The following CRTC1 variants were observed in gnomAD, a reference collection of about 807,000 sequenced individuals.
CRTC1 encodes CREB regulated transcription coactivator 1.
Under a neutral mutation model 66.1 loss-of-function variants are expected in CRTC1, and 18 were observed. The ratio of observed to expected loss-of-function variants is 0.27; its 90% CI spans 0.19 to 0.40. The LOEUF (loss-of-function observed/expected upper bound fraction) is 0.40, where lower values mean the gene tolerates loss of function less well. Ranked by LOEUF, CRTC1 falls within the 10% of genes least tolerant of loss-of-function variation. The pLI is 1.00. For synonymous variants in CRTC1, 416 were observed against 398.8 expected, an observed-to-expected ratio of 1.04 and a Z score of -0.51; for missense variants, 669 against 887.9, an observed-to-expected ratio of 0.75 and a Z score of 3.13.
intron 6 of CRTC1, among the ~76,000 whole-genome samples, chr19:18,753,891 G>A (rs563561561): frequency 3.9e-5 from 6 of 152,182 alleles, no homozygotes; most frequent in Non-Finnish European, 7.3e-5. Context: ...CCAGAGGTCA[G>A]GAGTTCAAGA....
intron 6 of CRTC1, among the ~76,000 whole-genome samples, chr19:18,754,926 A>ATTTCT (rs1375625283): frequency 1.1e-4 from 16 of 151,702 alleles, no homozygotes; most frequent in Admixed American, 1.1e-3. Context: ...CCATCTGTGT[A>ATTTCT]TTTCTTTTTC....
At chr19:18,761,138 C>G (rs1361198889) in intron 8 of CRTC1, among the ~76,000 whole-genome samples, 2 of 152,230 alleles carry the variant, frequency 1.3e-5, no homozygotes, top group African/African-American at 4.8e-5. Flanking sequence ...CTCCCTCCCT[C>G]CCCTGCCCTG....
chr19:18,780,486 G>A lies in CRTC1; in HGVS notation c.*3104G>A. On this transcript the variant is annotated 3_prime_UTR_variant, in exon 14 of 14. Transcript: ENST00000321949. ...TGTGGGTTTTCGGCTCTGGGGAGGA[G>A]AGTGTTGGCATCAGTGTGTTTGGCC... is the stretch of plus-strand genomic sequence containing the variant. 1 of 231,696 alleles carries A rather than the reference G, an allele frequency of 4.3e-6. No homozygotes were observed. Among genetic ancestry groups the A allele is most frequent in the Non-Finnish European group, 8.5e-6 (1 of 117,060 alleles). The allele number at this position is 231,696 out of a possible 1,614,324, so 14.4% of individuals were successfully genotyped here.
At chr19:18,689,387 C>G (rs1305552382) in intron 1 of CRTC1, among the ~76,000 whole-genome samples, 1 of 148,028 alleles carries the variant, frequency 6.8e-6, no homozygotes, top group Non-Finnish European at 1.5e-5. Context: ...CTTCAAGCCT[C>G]TAACTTGGAT....
chr19:18,754,281 G>A (rs1192813161), intron 6 of CRTC1, among the ~76,000 whole-genome samples: 1 of 152,202 alleles, frequency 6.6e-6, no homozygotes, highest in Non-Finnish European at 1.5e-5. Flanking sequence ...ACTTTCGGAG[G>A]AGGCTGAGGT....
chr19:18,726,434 G>A (rs1337406648), intron 1 of CRTC1, among the ~76,000 whole-genome samples: 1 of 152,258 alleles, frequency 6.6e-6, no homozygotes, highest in Admixed American at 6.5e-5. Flanking sequence ...GCTTCCTTGG[G>A]ATGGTTCTTA....
Position 18,760,335 on chromosome 19 carries a change from G to C in CRTC1, c.886+107G>C. ...TCCCGTTCCAAATACTAGGGCATGG[G>C]GGACAGGGCTGGGGGGCGGCCGACA... is the stretch of plus-strand genomic sequence containing the variant. On this transcript the variant is annotated intron_variant, in intron 8 of 13. Transcript: ENST00000321949. This position sits in a 1 kb window ranked among gnomAD's most constrained non-coding sequence, Gnocchi z 6.2. 1 of 984,100 alleles carries C rather than the reference G, an allele frequency of 1.0e-6. No homozygotes were observed. The highest frequency in any genetic ancestry group is 2.6e-5 in the East Asian group (1 of 38,004). The allele number at this position is 984,100 out of a possible 1,614,324, so 61.0% of individuals were successfully genotyped here.
intron 1 of CRTC1, among the ~76,000 whole-genome samples, chr19:18,706,706 A>G (rs1426622129): frequency 6.6e-6 from 1 of 152,028 alleles, no homozygotes; most frequent in Non-Finnish European, 1.5e-5. Flanking sequence ...GAAAAAGGAT[A>G]TTTTGATAGG....
At chr19:18,691,600 G>A (rs1429909818) in intron 1 of CRTC1, among the ~76,000 whole-genome samples, 1 of 151,422 alleles carries the variant, frequency 6.6e-6, no homozygotes, top group Non-Finnish European at 1.5e-5. Flanking sequence ...TGGAGGCAGA[G>A]ATTGGAGCGA....
Position 18,771,028 on chromosome 19 carries a change from A to G in CRTC1, c.1321-414A>G, listed in dbSNP as rs1278800329. Among the ~76,000 whole-genome samples, 2 of 148,820 alleles carry G rather than the reference A, an allele frequency of 1.3e-5. No homozygotes were observed. The highest frequency in any genetic ancestry group is 5.0e-5 in the African/African-American group (2 of 40,140). Reference sequence around the variant, plus strand: ...TACATTCATGTGTGGATATGTGCACATGTGTGGGTGTGCATGTGTGGGTAT... The same window carrying G: ...TACATTCATGTGTGGATATGTGCACGTGTGTGGGTGTGCATGTGTGGGTAT... On this transcript the variant is annotated intron_variant, in intron 10 of 13. Transcript: ENST00000321949. This position sits in a 1 kb window ranked among gnomAD's most constrained non-coding sequence, Gnocchi z 4.6.
At chr19:18,720,748 C>T (rs1210551424) in intron 1 of CRTC1, among the ~76,000 whole-genome samples, 1 of 152,088 alleles carries the variant, frequency 6.6e-6, no homozygotes. Flanking sequence ...GAGATCCACC[C>T]ACCTTGACCT....
intron 8 of CRTC1, 147 bp from the exon 9 acceptor site, chr19:18,765,257 G>C (rs1346409051): frequency 6.6e-6 from 8 of 1,208,218 alleles, no homozygotes; most frequent in Non-Finnish European, 8.9e-6. Context: ...TTCGGGGGGT[G>C]CCCAGGTTTG....
intron 5 of CRTC1, among the ~76,000 whole-genome samples, chr19:18,751,151 G>T (rs2054354355): frequency 6.6e-6 from 1 of 152,174 alleles, no homozygotes; most frequent in African/African-American, 2.4e-5. Flanking sequence ...CAAGGAAGGG[G>T]TTGGCCTATC....
At chr19:18,715,587 A>G (rs1197350915) in intron 1 of CRTC1, among the ~76,000 whole-genome samples, 1 of 152,222 alleles carries the variant, frequency 6.6e-6, no homozygotes, top group Non-Finnish European at 1.5e-5. Context: ...ACTGTGGTGC[A>G]GGCCCCATGC....
intron 1 of CRTC1, among the ~76,000 whole-genome samples, chr19:18,704,455 TAAGCCCA>T (rs903097010): frequency 6.6e-6 from 1 of 152,184 alleles, no homozygotes; most frequent in African/African-American, 2.4e-5. Context: ...CTCTTGTCTG[TAAGCCCA>T]GCACTTTGGG....
At chr19:18,731,735 T>G (rs985045074) in intron 1 of CRTC1, among the ~76,000 whole-genome samples, 1 of 152,042 alleles carries the variant, frequency 6.6e-6, no homozygotes, top group Non-Finnish European at 1.5e-5. Context: ...GGCACGTTGC[T>G]TATCTTCGGG....
At chr19:18,748,513 C>T (rs1157544794) in intron 4 of CRTC1, among the ~76,000 whole-genome samples, 2 of 144,720 alleles carry the variant, frequency 1.4e-5, no homozygotes, top group East Asian at 4.4e-4. Context: ...AGCCACTGTG[C>T]CTGGCTGTTA....
intron 5 of CRTC1, among the ~76,000 whole-genome samples, chr19:18,753,275 C>CTAAA (rs59575360): frequency 0.25 from 36,769 of 145,882 alleles, 5,180 homozygotes; most frequent in East Asian, 0.5. Flanking sequence ...GACTCCGTCT[C>CTAAA]TAAATAAATA....
chr19:18,714,120 G>A (rs1479790668), intron 1 of CRTC1, among the ~76,000 whole-genome samples: 9 of 152,158 alleles, frequency 5.9e-5, no homozygotes, highest in Admixed American at 3.9e-4. Flanking sequence ...GGTGAGCCAT[G>A]CACACCCAAG....
Sources: allele counts gnomAD v4.1 joint callset (sites outside exome capture counted in the v4.1 genomes callset), GRCh38; gene constraint gnomAD v4.1.1; non-coding constraint Gnocchi (gnomAD v3.1); transcripts MANE v1.5; gene names NCBI Gene and HGNC (gene_info 2026-07-23, HGNC 2026-07-21).